Variants in POT1 observed in about 807,000 individuals in gnomAD.
POT1 encodes protection of telomeres protein 1.
In POT1, 47 loss-of-function variants were observed where a neutral mutation model predicts 78.5. The observed-to-expected ratio is 0.60, with a 90% CI of 0.47 to 0.76. The LOEUF is 0.76. POT1 is among the 30% of genes least tolerant of loss of function. The pLI is 0.00. For missense variants in POT1, 646 were observed against 749.9 expected (o/e 0.86, Z 1.62); for synonymous variants, 259 against 260.7 (o/e 0.99, Z 0.06).
At chr7:124,910,473 G>A (rs1275392530) in intron 3 of POT1, among the ~76,000 whole-genome samples, 2 of 151,770 alleles carry the variant, frequency 1.3e-5, no homozygotes, top group African/African-American at 2.4e-5. Flanking sequence ...AAACATATAC[G>A]AAGACACTTT....
chr7:124,900,178 T>C (rs1474133568), intron 3 of POT1, among the ~76,000 whole-genome samples: 2 of 152,178 alleles, frequency 1.3e-5, no homozygotes, highest in Non-Finnish European at 2.9e-5. Context: ...CAAGCAACTC[T>C]GCCTGTTTTA....
At chr7:124,829,152 AAAG>A in intron 16 of POT1, 99 bp downstream of exon 16, 1 of 841,498 alleles carries the variant, frequency 1.2e-6, no homozygotes, top group Non-Finnish European at 2.1e-6. Context: ...ATAAGTATAC[AAAG>A]AAGGAACAGG....
At chr7:124,855,480 A>T (rs957297222) in intron 9 of POT1, among the ~76,000 whole-genome samples, 2 of 151,862 alleles carry the variant, frequency 1.3e-5, no homozygotes, top group African/African-American at 4.8e-5. Context: ...TGGAGGCAGC[A>T]TTGTATTTTT....
At chr7:124,889,018 C>T (rs1029250130) in intron 6 of POT1, among the ~76,000 whole-genome samples, 1 of 151,822 alleles carries the variant, frequency 6.6e-6, no homozygotes, top group Non-Finnish European at 1.5e-5. Flanking sequence ...CACTTTAAAT[C>T]AAAAGTTACA....
chr7:124,882,461 T>C (rs1432565051), intron 6 of POT1, among the ~76,000 whole-genome samples: 3 of 151,990 alleles, frequency 2.0e-5, no homozygotes, highest in Non-Finnish European at 4.4e-5. Flanking sequence ...CACTTGTGCT[T>C]TCATTCTATT....
chr7:124,899,045 A>AC (rs1275332819), intron 3 of POT1, among the ~76,000 whole-genome samples: 12 of 152,190 alleles, frequency 7.9e-5, no homozygotes, highest in African/African-American at 2.9e-4. Flanking sequence ...CTTAAGATAC[A>AC]CCAAAATGTC....
intron 3 of POT1, among the ~76,000 whole-genome samples, 199 bp from the exon 4 acceptor site, chr7:124,898,573 C>A (rs1224181049): frequency 6.6e-6 from 1 of 151,942 alleles, no homozygotes; most frequent in Non-Finnish European, 1.5e-5. Flanking sequence ...TCTTCAACAT[C>A]TACAGCTACA....
chr7:124,863,387 C>T lies in POT1; in HGVS notation c.509G>A (p.Gly170Asp), dbSNP rs2116541421. ...TGATGCTCCGTCCACTTCTGCTTTG[C>T]CCAAGAGCTGACAAGTCAGGTCAAA... is the stretch of plus-strand genomic sequence containing the variant. ...QYFDLTCQLL[G>D]KAEVDGASFL... The change falls in exon 8 of 19, where the codon GGC (glycine) becomes GAC (aspartate). Residue 170 changes from glycine (G) to aspartate (D), a missense_variant. Gly to Asp is a moderately conservative substitution (Grantham distance 94). Around this residue, in one of 2 missense-constraint regions of POT1, gnomAD observed 252 missense variants for 341.4 expected, o/e 0.74. Transcript: ENST00000357628. 1 of 1,613,746 alleles carries T rather than the reference C, an allele frequency of 6.2e-7. No homozygotes were observed. The highest frequency in any genetic ancestry group is 1.3e-5 in the African/African-American group (1 of 75,020).
Position 124,915,592 on chromosome 7 carries a change from A to G in POT1, c.-172T>C, listed in dbSNP as rs1005905077. On this transcript the variant is annotated 5_prime_UTR_variant, in exon 3 of 19. Transcript: ENST00000357628. ...TATATACCTTGTAGTCCAATCTGCA[A>G]AACAGCTGTTTTATTTCCACGATAA... is the stretch of plus-strand genomic sequence containing the variant. 1 of 152,194 alleles carries G rather than the reference A, an allele frequency of 6.6e-6. No homozygotes were observed. The highest frequency in any genetic ancestry group is 2.4e-5 in the African/African-American group (1 of 41,460). The allele number at this position is 152,194 out of a possible 1,614,324, so 9.4% of individuals were successfully genotyped here. A position where few individuals can be genotyped will look rare whatever the true frequency, so the allele number is the denominator to read the frequency against.
At chr7:124,883,357 TATAGTA>T (rs1267038334) in intron 6 of POT1, among the ~76,000 whole-genome samples, 1 of 152,132 alleles carries the variant, frequency 6.6e-6, no homozygotes, top group Non-Finnish European at 1.5e-5. Context: ...AACTAATAGT[TATAGTA>T]ATTGTATTGT....
In POT1 at chr7:124,905,506, T is replaced by C. The variant is rs546740111; in HGVS notation, c.-153-7132A>G. Among the ~76,000 whole-genome samples the C allele has an allele frequency of 1.2e-3, 177 of 151,776 alleles. 1 individual carries two copies. The highest frequency in any genetic ancestry group is 3.9e-3 in the African/African-American group (161 of 41,424). On this transcript the variant is annotated intron_variant, in intron 3 of 18. Coordinates refer to ENST00000357628, the MANE Select transcript of POT1 (RefSeq NM_015450.3). ...AAAGATGGATTAAAGACTTAAACGT[T>C]AGACCTAAAACCATAAAAAAAAAAC...
rs1335591051 is a variant in POT1, at chr7:124,902,170, A to G, written c.-153-3796T>C. Among the ~76,000 whole-genome samples, 4 of 152,172 alleles carry G rather than the reference A, an allele frequency of 2.6e-5. No individual in the cohort carries two copies. The East Asian group carries it at 7.7e-4, about 29-fold the overall frequency. On this transcript the variant is annotated intron_variant, in intron 3 of 18. Transcript: ENST00000357628. ...GCCAACATTCAAATTCAGGAAATAC[A>G]GAGAACGCCACAAAGATGCTCCTCG...
At chr7:124,913,567 G>A (rs1473335288) in intron 3 of POT1, among the ~76,000 whole-genome samples, 1 of 152,082 alleles carries the variant, frequency 6.6e-6, no homozygotes, top group Non-Finnish European at 1.5e-5. Flanking sequence ...AGCTCATGAA[G>A]ATTTGCCTCT....
At chr7:124,922,800 T>C (rs1001546101) in intron 2 of POT1, among the ~76,000 whole-genome samples, 3 of 151,986 alleles carry the variant, frequency 2.0e-5, no homozygotes, top group African/African-American at 7.2e-5. Context: ...TTTACATAAA[T>C]TGACTATGCT....
intron 3 of POT1, among the ~76,000 whole-genome samples, chr7:124,902,723 A>C (rs1048852446): frequency 1.3e-5 from 2 of 152,190 alleles, no homozygotes; most frequent in African/African-American, 4.8e-5. Context: ...TAAAAGACAC[A>C]GAATGGCAAA....
intron 11 of POT1, among the ~76,000 whole-genome samples, chr7:124,850,709 G>A (rs1795284732): frequency 6.6e-6 from 1 of 151,614 alleles, no homozygotes; most frequent in South Asian, 2.1e-4. Flanking sequence ...TCCAGCCTGG[G>A]AGACAGAGCA....
chr7:124,910,842 A>C (rs1025971114), intron 3 of POT1, among the ~76,000 whole-genome samples: 5 of 152,044 alleles, frequency 3.3e-5, no homozygotes, highest in South Asian at 2.1e-4. Flanking sequence ...AGACAGGTAT[A>C]CAATCAGACA....
At chr7:124,870,546 C>G (rs959602067) in intron 7 of POT1, among the ~76,000 whole-genome samples, 1 of 151,978 alleles carries the variant, frequency 6.6e-6, no homozygotes, top group African/African-American at 2.4e-5. Context: ...TCTTTGTATA[C>G]ATTTTTTCTT....
In POT1 at chr7:124,892,039, A is replaced by C. The variant is rs1344976901; in HGVS notation, c.124+227T>G. ...ATATGGTTTCACGTTGCTGTTTGGC[A>C]TCCTTTGCTTCATTCTTTGTCCTTA... On this transcript the variant is annotated intron_variant, in intron 6 of 18. Transcript: ENST00000357628. 2.0e-5 allele frequency among the ~76,000 whole-genome samples: 3 copies of C among 151,544 alleles called. No individual in the cohort carries two copies. In the Admixed American group the frequency reaches 2.0e-4, roughly 10 times the overall value.
Sources: allele counts gnomAD v4.1 joint callset (sites outside exome capture counted in the v4.1 genomes callset), GRCh38; gene constraint gnomAD v4.1.1; regional missense constraint gnomAD v4.1.1; transcripts MANE v1.5; gene names NCBI Gene and HGNC (gene_info 2026-07-23, HGNC 2026-07-21).